SOX5: variants seen among roughly 807,000 people sequenced by gnomAD.
SOX5 encodes SRY-box transcription factor 5.
A neutral mutation model predicts 92.0 loss-of-function variants in SOX5; 9 were observed. The ratio of observed to expected loss-of-function variants is 0.10; its 90% confidence interval spans 0.06 to 0.17. The LOEUF (loss-of-function observed/expected upper bound fraction) is 0.17, where lower values mean the gene tolerates loss of function less well. Ranked by LOEUF, SOX5 falls within the 10% of genes least tolerant of loss-of-function variation. The pLI, the probability that SOX5 is intolerant of heterozygous loss-of-function variation, is 1.00. For missense variants in SOX5, 642 were observed against 944.5 expected (o/e 0.68, Z 4.20); for synonymous variants, 344 against 336.3 (o/e 1.02, Z -0.25).
intron 2 of SOX5, among the ~76,000 whole-genome samples, chr12:23,872,495 C>A (rs947262272): frequency 1.3e-5 from 2 of 151,994 alleles, no homozygotes; most frequent in East Asian, 3.9e-4. Context: ...AATGTAGTCC[C>A]TCTTATGGTT....
intron 4 of SOX5, among the ~76,000 whole-genome samples, chr12:23,993,854 C>T (rs1950775386): frequency 6.6e-6 from 1 of 150,990 alleles, no homozygotes; most frequent in Admixed American, 6.6e-5. Context: ...AAGAAACTCC[C>T]TCCCTATGAA....
chr12:23,847,968 A>AT (rs1755654569), intron 2 of SOX5, among the ~76,000 whole-genome samples: 1 of 152,144 alleles, frequency 6.6e-6, no homozygotes, highest in Admixed American at 6.5e-5. Context: ...GCAATCACAA[A>AT]TTCATTCAGT....
At chr12:23,570,958 T>G (rs1437034421) in intron 10 of SOX5, among the ~76,000 whole-genome samples, 1 of 90,246 alleles carries the variant, frequency 1.1e-5, no homozygotes, top group Non-Finnish European at 2.3e-5. Context: ...TATATATATA[T>G]ATATATATAT....
At chr12:24,159,031 G>C (rs1443127762) in intron 4 of SOX5, among the ~76,000 whole-genome samples, 1 of 151,890 alleles carries the variant, frequency 6.6e-6, no homozygotes. Context: ...TTTGAAAAAT[G>C]GCATTAATTT....
intron 2 of SOX5, among the ~76,000 whole-genome samples, chr12:24,312,717 A>G (rs763950575): frequency 1.3e-5 from 2 of 152,208 alleles, no homozygotes; most frequent in Non-Finnish European, 2.9e-5. Context: ...TGAAGTAAAT[A>G]TTATTTTAAT....
At chr12:24,460,655 G>A (rs939329502) in intron 1 of SOX5, 2 of 152,168 alleles carry the variant, frequency 1.3e-5, no homozygotes, top group Admixed American at 1.3e-4. Flanking sequence ...GGAATAATTT[G>A]TATGGGATTA....
intron 1 of SOX5, among the ~76,000 whole-genome samples, chr12:24,555,410 A>G (rs185533534): frequency 2.9e-3 from 436 of 152,372 alleles, no homozygotes; most frequent in Middle Eastern, 0.027. Flanking sequence ...TTTTTAAATG[A>G]TAAGCATTAA....
At chr12:24,314,835 C>T (rs1250932966) in intron 2 of SOX5, among the ~76,000 whole-genome samples, 1 of 152,222 alleles carries the variant, frequency 6.6e-6, no homozygotes, top group Non-Finnish European at 1.5e-5. Context: ...TGTCTCTTTG[C>T]TTTGTTCCTC....
chr12:24,138,375 T>C (rs1474392673), intron 4 of SOX5, among the ~76,000 whole-genome samples: 1 of 152,254 alleles, frequency 6.6e-6, no homozygotes, highest in Non-Finnish European at 1.5e-5. Context: ...ATTGATCTTA[T>C]ACACAGAGAT....
chr12:23,633,997 T>C (rs1408182855), intron 8 of SOX5, among the ~76,000 whole-genome samples: 1 of 150,542 alleles, frequency 6.6e-6, no homozygotes, highest in Non-Finnish European at 1.5e-5. Flanking sequence ...CTGTGGATTT[T>C]TCATACTCTT....
At chr12:24,179,502 TAAA>T (rs1955226478) in intron 4 of SOX5, among the ~76,000 whole-genome samples, 1 of 152,192 alleles carries the variant, frequency 6.6e-6, no homozygotes, top group African/African-American at 2.4e-5. Flanking sequence ...ACCATGAGGG[TAAA>T]CAACTAAGAC....
At chr12:23,853,127 T>C (rs185037219) in intron 2 of SOX5, among the ~76,000 whole-genome samples, 2,451 of 148,238 alleles carry the variant, frequency 0.017, 38 homozygotes, top group Middle Eastern at 0.036. Flanking sequence ...TATATATACA[T>C]ATATATATAT....
At chr12:24,332,721 G>T (rs1951464891) in intron 2 of SOX5, among the ~76,000 whole-genome samples, 1 of 152,016 alleles carries the variant, frequency 6.6e-6, no homozygotes, top group Non-Finnish European at 1.5e-5. Flanking sequence ...ATGTCGTAGA[G>T]GCAAGTCATA....
At chr12:24,052,402 CTTG>C (rs1040037615) in intron 4 of SOX5, among the ~76,000 whole-genome samples, 12 of 152,080 alleles carry the variant, frequency 7.9e-5, no homozygotes, top group Non-Finnish European at 1.6e-4. Context: ...TTAATACTCT[CTTG>C]TTAATTTTAA....
chr12:24,490,409 C>G (rs1269052703), intron 1 of SOX5, among the ~76,000 whole-genome samples: 4 of 152,172 alleles, frequency 2.6e-5, no homozygotes, highest in Non-Finnish European at 5.9e-5. Context: ...CTTTTCATAT[C>G]ATTTTCCTTC....
chr12:23,915,444 G>C (rs912709869), intron 1 of SOX5, among the ~76,000 whole-genome samples: 1 of 151,868 alleles, frequency 6.6e-6, no homozygotes, highest in Non-Finnish European at 1.5e-5. Flanking sequence ...TAAAAAATAA[G>C]ACTTAGAATT....
At chr12:23,939,273 G>A (rs1943177130) in intron 1 of SOX5, among the ~76,000 whole-genome samples, 1 of 150,974 alleles carries the variant, frequency 6.6e-6, no homozygotes, top group Non-Finnish European at 1.5e-5. Context: ...CCAACTGGAT[G>A]ATTTCCAGAT....
At chr12:24,110,408 G>A (rs1365718953) in intron 4 of SOX5, among the ~76,000 whole-genome samples, 1 of 152,150 alleles carries the variant, frequency 6.6e-6, no homozygotes, top group Non-Finnish European at 1.5e-5. Context: ...GTCAACCTAA[G>A]TCCCACATCA....
chr12:23,558,625 G>A (rs959350816), intron 11 of SOX5, among the ~76,000 whole-genome samples: 15 of 67,986 alleles, frequency 2.2e-4, no homozygotes, highest in South Asian at 5.1e-4. Context: ...TTTTTGAGAC[G>A]GAGTTCCGCT....
Sources: gnomAD v4.1 joint callset for allele counts (sites outside exome capture counted in the v4.1 genomes callset) on GRCh38, gnomAD v4.1.1 for gene constraint, MANE v1.5 for transcripts, NCBI Gene and HGNC (gene_info 2026-07-23, HGNC 2026-07-21) for gene names.